Variants in DCC observed in about 807,000 individuals in gnomAD.
DCC encodes netrin receptor DCC.
Under a neutral mutation model 172.5 loss-of-function variants are expected in DCC, and 58 were observed. That is an observed-to-expected ratio of 0.34 (90% confidence interval 0.27 to 0.42). The LOEUF is 0.42. Among genes scored for constraint, DCC ranks in the 10% least tolerant of loss-of-function variants. DCC has a pLI of 1.00. For synonymous variants in DCC, 709 were observed against 644.5 expected, an observed-to-expected ratio of 1.10 and a Z score of -1.52; for missense variants, 1,740 against 1,791.0, an observed-to-expected ratio of 0.97 and a Z score of 0.51.
chr18:52,923,735 T>C lies in DCC; in HGVS notation c.726T>C (p.Phe242=). 1 of 1,611,396 alleles carries C rather than the reference T, an allele frequency of 6.2e-7. No homozygotes were observed. Among genetic ancestry groups the C allele is most frequent in the Non-Finnish European group, 8.5e-7 (1 of 1,177,696 alleles). Residue 242 remains phenylalanine, a synonymous_variant, in exon 4 of 29, where the codon TTT becomes TTC. Coordinates refer to ENST00000442544, the MANE Select transcript of DCC (RefSeq NM_005215.4). ...CAGGACTGCATAGACAGCTGTATTT[T>C]CTGCAAAGACCATCCAATGTAGTAG... ...SDPGLHRQLY[F]LQRPSNVVAI...
intron 2 of DCC, among the ~76,000 whole-genome samples, chr18:52,898,395 C>T (rs888097566): frequency 2.6e-5 from 4 of 152,120 alleles, no homozygotes; most frequent in Non-Finnish European, 5.9e-5. Context: ...GGAGGAGAGA[C>T]CTCCCTAGAG....
intron 7 of DCC, among the ~76,000 whole-genome samples, chr18:53,109,554 T>G (rs536735983): frequency 8.6e-5 from 13 of 151,390 alleles, no homozygotes; most frequent in African/African-American, 2.9e-4. Flanking sequence ...CTTTCTCCTC[T>G]TCCTTCATTC....
At chr18:53,076,015 T>C (rs988486911) in intron 7 of DCC, among the ~76,000 whole-genome samples, 2 of 152,124 alleles carry the variant, frequency 1.3e-5, no homozygotes, top group African/African-American at 2.4e-5. Context: ...ATGATCAAAA[T>C]TGGGGAAGGG....
intron 26 of DCC, among the ~76,000 whole-genome samples, chr18:53,490,338 T>C (rs2045947208): frequency 6.6e-6 from 1 of 152,236 alleles, no homozygotes; most frequent in Non-Finnish European, 1.5e-5. Flanking sequence ...AGTCTTTGCT[T>C]AGAGTTATTG....
intron 7 of DCC, among the ~76,000 whole-genome samples, chr18:53,088,575 C>A (rs963011498): frequency 6.6e-6 from 1 of 151,906 alleles, no homozygotes; most frequent in African/African-American, 2.4e-5. Flanking sequence ...AAGAGCAGAA[C>A]TGAAGGAAAT....
chr18:53,051,183 TTA>T (rs1291156922), intron 5 of DCC, among the ~76,000 whole-genome samples: 1 of 152,122 alleles, frequency 6.6e-6, no homozygotes, highest in African/African-American at 2.4e-5. Context: ...TGAGCCATGA[TTA>T]TACCATTGCA....
intron 1 of DCC, among the ~76,000 whole-genome samples, chr18:52,707,651 T>C (rs538724741): frequency 6.6e-6 from 1 of 152,272 alleles, no homozygotes; most frequent in South Asian, 2.1e-4. Context: ...AAAAAATGTA[T>C]CTATACACAA....
rs534259495 is a variant in DCC, at chr18:52,963,075, C to G, written c.985+37705C>G. 2.6e-5 allele frequency among the ~76,000 whole-genome samples: 4 copies of G among 151,434 alleles called. No individual in the cohort carries two copies. In the South Asian group the frequency reaches 8.3e-4, roughly 32 times the overall value. On this transcript the variant is annotated intron_variant, in intron 5 of 28. Transcript: ENST00000442544. ...ACATATGTAACCTGCACATCGTGCA[C>G]TTGTACCCTAAAACTTAAATTATAA...
At chr18:53,190,585 T>A (rs2055352214) in intron 9 of DCC, among the ~76,000 whole-genome samples, 1 of 151,890 alleles carries the variant, frequency 6.6e-6, no homozygotes, top group Non-Finnish European at 1.5e-5. Flanking sequence ...CTTTAATGAG[T>A]TAAAATTCTT....
chr18:52,550,349 A>C (rs1238709157), intron 1 of DCC, among the ~76,000 whole-genome samples: 1 of 151,954 alleles, frequency 6.6e-6, no homozygotes, highest in Non-Finnish European at 1.5e-5. Context: ...AAAAGAGATT[A>C]AAAAAAACAA....
intron 17 of DCC, among the ~76,000 whole-genome samples, chr18:53,396,603 A>T (rs1020800404): frequency 2.6e-5 from 4 of 152,218 alleles, no homozygotes; most frequent in Admixed American, 2.0e-4. Context: ...GTCTACACAA[A>T]GAATGAAAAC....
chr18:52,736,686 T>TA (rs1302281705), intron 1 of DCC, among the ~76,000 whole-genome samples: 2 of 152,150 alleles, frequency 1.3e-5, no homozygotes, highest in Non-Finnish European at 2.9e-5. Flanking sequence ...ATTATACAAA[T>TA]AAAAATGTTA....
At chr18:52,675,894 C>T (rs894832156) in intron 1 of DCC, among the ~76,000 whole-genome samples, 1 of 152,172 alleles carries the variant, frequency 6.6e-6, no homozygotes, top group African/African-American at 2.4e-5. Context: ...GAATAGGATT[C>T]ATTGGCCTGC....
At chr18:52,593,534 T>C (rs1385750156) in intron 1 of DCC, among the ~76,000 whole-genome samples, 1 of 152,210 alleles carries the variant, frequency 6.6e-6, no homozygotes, top group Non-Finnish European at 1.5e-5. Flanking sequence ...TTTCCTTTAT[T>C]TTTTAAAACC....
At chr18:52,893,011 G>A (rs1158685982) in intron 2 of DCC, among the ~76,000 whole-genome samples, 2 of 152,008 alleles carry the variant, frequency 1.3e-5, no homozygotes, top group African/African-American at 2.4e-5. Context: ...AAAATTATAA[G>A]AGGAAAAAAT....
chr18:52,917,427 T>G (rs2145474032), intron 3 of DCC, among the ~76,000 whole-genome samples: 1 of 152,296 alleles, frequency 6.6e-6, no homozygotes, highest in South Asian at 2.1e-4. Context: ...GCTAAAGAGC[T>G]TCAAGGGGAT....
intron 5 of DCC, among the ~76,000 whole-genome samples, chr18:52,967,936 T>C (rs1055649225): frequency 6.6e-6 from 1 of 152,186 alleles, no homozygotes; most frequent in Admixed American, 6.5e-5. Flanking sequence ...GCATCTTAAC[T>C]TGAGATTTTA....
chr18:53,445,538 T>C (rs1462456481), intron 22 of DCC, among the ~76,000 whole-genome samples: 3 of 152,232 alleles, frequency 2.0e-5, no homozygotes, highest in Non-Finnish European at 4.4e-5. Context: ...AGCTTTCTTT[T>C]CAATGATAAT....
chr18:53,259,007 T>C (rs2144676803), intron 12 of DCC, among the ~76,000 whole-genome samples: 1 of 152,316 alleles, frequency 6.6e-6, no homozygotes, highest in African/African-American at 2.4e-5. Flanking sequence ...TTAAAGTCTG[T>C]TTTATCAGAG....
Sources: gnomAD v4.1 joint callset for allele counts (sites outside exome capture counted in the v4.1 genomes callset) on GRCh38, gnomAD v4.1.1 for gene constraint, MANE v1.5 for transcripts, NCBI Gene and HGNC (gene_info 2026-07-23, HGNC 2026-07-21) for gene names.